TMTC2: variants seen among roughly 807,000 people sequenced by gnomAD.
TMTC2 encodes the protein transmembrane O-mannosyltransferase targeting cadherins 2.
Under a neutral mutation model 82.4 loss-of-function variants are expected in TMTC2, and 43 were observed. That is an observed-to-expected ratio of 0.52 (90% CI 0.41 to 0.67). The LOEUF (loss-of-function observed/expected upper bound fraction) is 0.67. TMTC2 is among the 30% of genes least tolerant of loss of function. The probability of loss-of-function intolerance (pLI) is 0.00; values close to 1 mark genes in which losing one functional copy is unlikely to be tolerated. For missense variants in TMTC2, 919 were observed against 1,012.4 expected, an observed-to-expected ratio of 0.91 and a Z score of 1.25; for synonymous variants, 408 against 381.9, an observed-to-expected ratio of 1.07 and a Z score of -0.80.
chr12:82,848,144 A>G (rs978877014), intron 1 of TMTC2, among the ~76,000 whole-genome samples: 5 of 152,106 alleles, frequency 3.3e-5, no homozygotes, highest in Admixed American at 2.0e-4. Context: ...TGTCCATCCC[A>G]TGAAGAAGAA....
chr12:82,958,198 A>G (rs1472878388), intron 4 of TMTC2, among the ~76,000 whole-genome samples: 2 of 151,960 alleles, frequency 1.3e-5, no homozygotes, highest in Non-Finnish European at 2.9e-5. Flanking sequence ...CCTCATCTCT[A>G]CTAAAAATCA....
intron 4 of TMTC2, among the ~76,000 whole-genome samples, chr12:82,933,422 G>A (rs1876149110): frequency 6.6e-6 from 1 of 152,110 alleles, no homozygotes; most frequent in South Asian, 2.1e-4. Flanking sequence ...AGAAAGTTCA[G>A]AGACTGTTAA....
At chr12:82,949,754 T>C (rs1245682942) in intron 4 of TMTC2, among the ~76,000 whole-genome samples, 2 of 152,166 alleles carry the variant, frequency 1.3e-5, no homozygotes, top group Non-Finnish European at 2.9e-5. Context: ...AGCTGGTAAT[T>C]TTATTCTATT....
At chr12:83,096,189 C>A (rs547925768) in intron 11 of TMTC2, among the ~76,000 whole-genome samples, 9 of 152,308 alleles carry the variant, frequency 5.9e-5, no homozygotes, top group African/African-American at 1.9e-4. Flanking sequence ...AGGAAGTTTG[C>A]CATAATCATA....
chr12:82,819,491 CTCTT>C (rs1453477438), intron 1 of TMTC2, among the ~76,000 whole-genome samples: 6 of 145,076 alleles, frequency 4.1e-5, no homozygotes, highest in South Asian at 4.3e-4. Flanking sequence ...TTTTCTTTCT[CTCTT>C]TCTTTTTTTT....
intron 11 of TMTC2, among the ~76,000 whole-genome samples, chr12:83,110,986 C>A (rs1404322209): frequency 3.3e-5 from 5 of 152,252 alleles, no homozygotes; most frequent in Non-Finnish European, 5.9e-5. Flanking sequence ...CATCCTCCCA[C>A]ACCTTCCCTT....
intron 8 of TMTC2, among the ~76,000 whole-genome samples, chr12:83,005,879 C>T (rs1359978077): frequency 2.0e-5 from 3 of 152,332 alleles, no homozygotes; most frequent in South Asian, 2.1e-4. Flanking sequence ...CAGCCCTGTT[C>T]TCTCCCAGTC....
intron 4 of TMTC2, among the ~76,000 whole-genome samples, chr12:82,962,018 A>C (rs1275619156): frequency 2.0e-5 from 3 of 152,186 alleles, no homozygotes; most frequent in African/African-American, 7.2e-5. Context: ...CTCACAGTAT[A>C]TATATATTCC....
chr12:82,924,329 T>TA (rs1379469683), intron 3 of TMTC2, among the ~76,000 whole-genome samples: 1 of 152,228 alleles, frequency 6.6e-6, no homozygotes, highest in Admixed American at 6.5e-5. Context: ...TATGTCTGGA[T>TA]AAAAAATCAT....
intron 1 of TMTC2, among the ~76,000 whole-genome samples, chr12:82,841,933 G>C (rs182494053): frequency 1.3e-5 from 2 of 152,300 alleles, no homozygotes; most frequent in African/African-American, 4.8e-5. Flanking sequence ...GAAATTAAAA[G>C]AATATGGTAC....
chr12:83,002,119 T>C (rs1682577), intron 8 of TMTC2, among the ~76,000 whole-genome samples: 133,757 of 152,076 alleles, frequency 0.88, 58,935 homozygotes, highest in South Asian at 0.96. Context: ...TCTTTTTTGG[T>C]GGTTAGGTTT....
In TMTC2 at chr12:82,896,526, A is replaced by AT. The variant is rs767376393; in HGVS notation, c.1369dup (p.Tyr457LeufsTer24). ...CCAAAAGCGGTTCCTCAAGAGCTTG[A>AT]TTTTTTATGCTACAGCTACACTAAT... On this transcript the variant is annotated frameshift_variant, in exon 3 of 12. Transcript: ENST00000321196. LOFTEE classifies it high-confidence loss of function. The AT allele has an allele frequency of 6.2e-7, 1 of 1,614,044 alleles. No individual in the cohort carries two copies. Among genetic ancestry groups the AT allele is most frequent in the Non-Finnish European group, 8.5e-7 (1 of 1,180,032 alleles).
intron 1 of TMTC2, among the ~76,000 whole-genome samples, chr12:82,784,880 C>CT (rs111599421): frequency 0.22 from 33,719 of 151,660 alleles, 4,238 homozygotes; most frequent in Middle Eastern, 0.39. Flanking sequence ...GCGTGTGTGT[C>CT]TTTTTTTTGT....
At chr12:83,003,520 G>A (rs1274786728) in intron 8 of TMTC2, among the ~76,000 whole-genome samples, 1 of 152,110 alleles carries the variant, frequency 6.6e-6, no homozygotes, top group African/African-American at 2.4e-5. Flanking sequence ...TGTGGGCTAT[G>A]TGCTTAATAG....
rs542140899 is a variant in TMTC2 at position 82,815,321 on chromosome 12, T to C, written c.84-41689T>C. ...AATTAATTAATTAATTATTTATTTATTTATTTAGAGATGGAGTCTTGCTCT... is the reference window on the plus strand; with the variant it reads ...AATTAATTAATTAATTATTTATTTACTTATTTAGAGATGGAGTCTTGCTCT... On this transcript the variant is annotated intron_variant, in intron 1 of 11. Transcript: ENST00000321196. 3.3e-5 allele frequency among the ~76,000 whole-genome samples: 5 copies of C among 150,778 alleles called. No individual in the cohort carries two copies. The South Asian group carries it at 8.4e-4, about 25-fold the overall frequency.
intron 8 of TMTC2, among the ~76,000 whole-genome samples, chr12:83,027,135 A>G (rs980276955): frequency 1.3e-5 from 2 of 152,110 alleles, no homozygotes; most frequent in African/African-American, 2.4e-5. Context: ...AGACATGTCA[A>G]CCAGTAAACA....
Position 83,132,916 on chromosome 12 carries a change from T to C in TMTC2, c.*527T>C, listed in dbSNP as rs1444107928. On this transcript the variant is annotated 3_prime_UTR_variant, in exon 12 of 12. Transcript: ENST00000321196. ...TATCAATTTCTGAAGCTTAGAACAC[T>C]TTTTTTAATACTGTGTCAAGATCTG... The C allele has an allele frequency of 1.3e-5, 2 of 153,502 alleles. No homozygotes were observed. The highest frequency in any genetic ancestry group is 4.8e-5 in the African/African-American group (2 of 41,454). The allele number at this position is 153,502 out of a possible 1,614,324, so 9.5% of individuals were successfully genotyped here.
intron 2 of TMTC2, among the ~76,000 whole-genome samples, chr12:82,885,616 C>G (rs150311213): frequency 6.6e-6 from 1 of 152,010 alleles, no homozygotes; most frequent in South Asian, 2.1e-4. Context: ...GTGATTCCCC[C>G]CACCTTTGCC....
intron 1 of TMTC2, among the ~76,000 whole-genome samples, chr12:82,734,645 C>T (rs927090628): frequency 2.0e-5 from 3 of 152,130 alleles, no homozygotes; most frequent in African/African-American, 7.2e-5. Flanking sequence ...ATTATGCCTA[C>T]CACAGTTGCT....
Sources: allele counts gnomAD v4.1 joint callset (sites outside exome capture counted in the v4.1 genomes callset), GRCh38; gene constraint gnomAD v4.1.1; transcripts MANE v1.5; gene names NCBI Gene and HGNC (gene_info 2026-07-23, HGNC 2026-07-21).